Variants in CFAP54 observed in about 807,000 individuals in gnomAD.
CFAP54 encodes cilia- and flagella-associated protein 54.
Under a neutral mutation model 370.4 loss-of-function variants are expected in CFAP54, and 290 were observed. The ratio of observed to expected loss-of-function variants is 0.78; its 90% CI spans 0.71 to 0.86. The LOEUF is 0.86. Ranked by LOEUF, CFAP54 falls within the 40% of genes least tolerant of loss-of-function variation. CFAP54 has a pLI of 0.00. For synonymous variants in CFAP54, 1,206 were observed against 1,236.5 expected (o/e 0.98, Z 0.52); for missense variants, 3,399 against 3,528.7 (o/e 0.96, Z 0.93).
rs899527395 is a variant in CFAP54 at position 96,621,552 on chromosome 12, A to G, written c.3640-38A>G. The G allele has an allele frequency of 9.6e-6, 13 of 1,347,288 alleles. No homozygotes were observed. In the African/African-American group the frequency reaches 1.8e-4, roughly 18 times the overall value. The allele number at this position is 1,347,288 out of a possible 1,614,324, so 83.5% of individuals were successfully genotyped here. A position where few individuals can be genotyped will look rare whatever the true frequency, so the allele number is the denominator to read the frequency against. On this transcript the variant is annotated intron_variant, in intron 26 of 67. Transcript: ENST00000524981. The stretch of plus-strand genomic sequence containing the variant: ...GCATTATACTTGAAAATAGACAAGA[A>G]TGTCCAACAGAGATAATTAATAAAT...
intron 36 of CFAP54, among the ~76,000 whole-genome samples, chr12:96,652,835 C>T (rs561114492): frequency 5.9e-5 from 9 of 152,012 alleles, no homozygotes; most frequent in South Asian, 2.1e-4. Context: ...ATAAAAAAGC[C>T]GATGAGTCTA....
intron 60 of CFAP54, among the ~76,000 whole-genome samples, chr12:96,781,404 T>C (rs1958579097): frequency 6.6e-6 from 1 of 152,180 alleles, no homozygotes; most frequent in Non-Finnish European, 1.5e-5. Context: ...TTATCCTTTG[T>C]GGGTCACAAG....
chr12:96,825,526 ATAT>A (rs1341144414), intron 65 of CFAP54, among the ~76,000 whole-genome samples: 3 of 118,414 alleles, frequency 2.5e-5, no homozygotes, highest in Admixed American at 1.0e-4. Flanking sequence ...AACATATTAT[ATAT>A]TATTTACTAT....
chr12:96,623,723 G>C, intron 27 of CFAP54, 44 bp from the exon 28 acceptor site: 1 of 962,656 alleles, frequency 1.0e-6, no homozygotes, highest in Non-Finnish European at 1.6e-6. Flanking sequence ...GACAGTTGTT[G>C]CAACACGTTA....
chr12:96,506,500 A>G (rs1955102288), intron 3 of CFAP54, among the ~76,000 whole-genome samples: 1 of 151,198 alleles, frequency 6.6e-6, no homozygotes, highest in African/African-American at 2.4e-5. Context: ...TTAATTATCC[A>G]TAATTGTTTC....
At chr12:96,578,736 G>C (rs982037140) in intron 20 of CFAP54, among the ~76,000 whole-genome samples, 2 of 152,092 alleles carry the variant, frequency 1.3e-5, no homozygotes, top group Admixed American at 6.6e-5. Flanking sequence ...TGGTGCTATG[G>C]GCTTAAATAA....
intron 36 of CFAP54, among the ~76,000 whole-genome samples, chr12:96,652,362 G>A (rs1212696243): frequency 1.3e-5 from 2 of 152,228 alleles, no homozygotes; most frequent in Non-Finnish European, 2.9e-5. Flanking sequence ...CATTTCTAGA[G>A]GAAAATATTT....
chr12:96,858,423 T>C (rs185084824), intron 66 of CFAP54, among the ~76,000 whole-genome samples: 1 of 152,314 alleles, frequency 6.6e-6, no homozygotes, highest in African/African-American at 2.4e-5. Flanking sequence ...TTTGTAAATA[T>C]TGTCTCCCAT....
At chr12:96,595,555 A>G (rs906506408) in intron 25 of CFAP54, among the ~76,000 whole-genome samples, 1 of 152,272 alleles carries the variant, frequency 6.6e-6, no homozygotes, top group South Asian at 2.1e-4. Flanking sequence ...AAACATTTTT[A>G]GTACATGATC....
At chr12:96,720,834 C>T (rs1201105642) in intron 50 of CFAP54, among the ~76,000 whole-genome samples, 1 of 151,902 alleles carries the variant, frequency 6.6e-6, no homozygotes, top group Admixed American at 6.6e-5. Flanking sequence ...CCAGGCTGGC[C>T]AACACGAAGA....
intron 26 of CFAP54, among the ~76,000 whole-genome samples, chr12:96,612,345 T>C (rs917997495): frequency 6.6e-6 from 1 of 152,098 alleles, no homozygotes; most frequent in African/African-American, 2.4e-5. Flanking sequence ...TGCTGAGAGA[T>C]TTTGTCACCA....
At chr12:96,506,842 C>T in intron 3 of CFAP54, 86 bp from the exon 4 acceptor site, 2 of 1,214,712 alleles carry the variant, frequency 1.6e-6, no homozygotes, top group South Asian at 1.7e-5. Flanking sequence ...CCACCTTGGC[C>T]TCCCTAAGTG....
At chr12:96,820,741 T>G (rs1383173241) in intron 65 of CFAP54, among the ~76,000 whole-genome samples, 1 of 152,198 alleles carries the variant, frequency 6.6e-6, no homozygotes, top group South Asian at 2.1e-4. Context: ...ACTATAGATA[T>G]AGGTTTATTT....
chr12:96,865,801 G>A lies in CFAP54; in HGVS notation c.*14+4849G>A, dbSNP rs370260508. Among the ~76,000 whole-genome samples the A allele has an allele frequency of 1.4e-4, 21 of 152,148 alleles. 1 individual carries two copies. In the South Asian group the frequency reaches 4.4e-3, roughly 32 times the overall value. ...CATCTCATTATATGACTGGAACTGA[G>A]TAGTTCACATCTGGTTTCATTATTT... On this transcript the variant is annotated intron_variant, in intron 67 of 67. Coordinates refer to ENST00000524981, the MANE Select transcript of CFAP54 (RefSeq NM_001306084.2).
chr12:96,539,079 TTTTTG>T (rs1565889523), intron 13 of CFAP54, among the ~76,000 whole-genome samples: 10 of 136,540 alleles, frequency 7.3e-5, no homozygotes, highest in Middle Eastern at 3.5e-3. Flanking sequence ...TTTTTTTTTG[TTTTTG>T]TTTTTGAGAT....
chr12:96,555,281 G>T (rs899369780), intron 17 of CFAP54, among the ~76,000 whole-genome samples: 5 of 151,908 alleles, frequency 3.3e-5, no homozygotes, highest in African/African-American at 4.8e-5. Flanking sequence ...TTCCTGGCAG[G>T]GGCGTGTAAA....
chr12:96,859,844 A>G (rs1370449381), intron 66 of CFAP54, among the ~76,000 whole-genome samples: 2 of 152,190 alleles, frequency 1.3e-5, no homozygotes, highest in Non-Finnish European at 2.9e-5. Context: ...AAAGAAAAAA[A>G]CCATCTGGAA....
chr12:96,523,146 A>G (rs919970235), intron 8 of CFAP54, among the ~76,000 whole-genome samples: 23 of 152,164 alleles, frequency 1.5e-4, no homozygotes, highest in Admixed American at 1.4e-3. Flanking sequence ...AGAGATTGAA[A>G]ATGAATCTGG....
intron 32 of CFAP54, among the ~76,000 whole-genome samples, chr12:96,633,271 G>C (rs1956628137): frequency 6.6e-6 from 1 of 152,194 alleles, no homozygotes; most frequent in South Asian, 2.1e-4. Context: ...GTTGTAACAT[G>C]CATATTTAAA....
Sources: gnomAD v4.1 joint callset for allele counts (sites outside exome capture counted in the v4.1 genomes callset) on GRCh38, gnomAD v4.1.1 for gene constraint, MANE v1.5 for transcripts, NCBI Gene and HGNC (gene_info 2026-07-23, HGNC 2026-07-21) for gene names.